ATG2B: variants seen among roughly 807,000 people sequenced by gnomAD.
ATG2B encodes the protein autophagy-related protein 2 homolog B.
In ATG2B, 121 loss-of-function variants were observed where a neutral mutation model predicts 241.3. The observed-to-expected ratio is 0.50, with a 90% CI of 0.43 to 0.58. ATG2B has a LOEUF of 0.58. Ranked by LOEUF, ATG2B falls within the 20% of genes least tolerant of loss-of-function variation. ATG2B has a pLI of 0.00. For synonymous variants in ATG2B, 858 were observed against 876.6 expected (o/e 0.98, Z 0.37); for missense variants, 2,306 against 2,491.6 (o/e 0.93, Z 1.59).
chr14:96,339,923 G>C (rs1887966549), intron 6 of ATG2B, among the ~76,000 whole-genome samples: 1 of 150,970 alleles, frequency 6.6e-6, no homozygotes, highest in South Asian at 2.1e-4. Flanking sequence ...ACTAAAAATA[G>C]AACTTCCATA....
At chr14:96,348,478 T>C (rs1888228428) in intron 1 of ATG2B, among the ~76,000 whole-genome samples, 1 of 152,024 alleles carries the variant, frequency 6.6e-6, no homozygotes, top group African/African-American at 2.4e-5. Context: ...AGGTCAGCAG[T>C]TCGAGACCAG....
rs370449015 is a variant in ATG2B at position 96,303,065 on chromosome 14, T to C, written c.5033A>G (p.Asn1678Ser). 104 of 1,586,420 alleles carry C rather than the reference T, an allele frequency of 6.6e-5. No homozygotes were observed. The highest frequency in any genetic ancestry group is 4.1e-4 in the Admixed American group (23 of 56,648). Residue 1678 changes from asparagine to serine, a missense_variant, in exon 33 of 42, where the codon AAC becomes AGC. Transcript: ENST00000359933. ...AACGATGAGGTTAACTCTTACCATGTTGGAGTGAGCTTTTCGAGGCATTTC... is the reference window on the plus strand; with the variant it reads ...AACGATGAGGTTAACTCTTACCATGCTGGAGTGAGCTTTTCGAGGCATTTC... ...SKEMPRKAHS[N>S]MLTVKALHVC...
chr14:96,313,527 A>C, intron 23 of ATG2B, 92 bp from the exon 24 acceptor site: 1 of 546,160 alleles, frequency 1.8e-6, no homozygotes, highest in Non-Finnish European at 3.1e-6. Context: ...AGAATATCTC[A>C]CAGAAAAAAT....
intron 25 of ATG2B, among the ~76,000 whole-genome samples, chr14:96,312,567 C>T (rs1375913579): frequency 2.6e-5 from 4 of 151,994 alleles, no homozygotes; most frequent in African/African-American, 9.7e-5. Flanking sequence ...CACAGCAAGA[C>T]CCCTTCTCTA....
At chr14:96,346,069 A>T (rs1335274583) in intron 2 of ATG2B, among the ~76,000 whole-genome samples, 1 of 152,174 alleles carries the variant, frequency 6.6e-6, no homozygotes, top group Non-Finnish European at 1.5e-5. Flanking sequence ...CTAAAAGAAG[A>T]GGTTAATTCT....
At position 96,280,855 on chromosome 14, in the gene ATG2B, C is replaced by T. The variant is rs1886180370; in HGVS notation, c.*4900G>A. On this transcript the variant is annotated 3_prime_UTR_variant, in exon 42 of 42. Transcript: ENST00000359933. ...TAAGATTGCTCCATTGTACTCCAGC[C>T]TGGGCAACAAGAGCAAAGCTCCGTC... 2 of 152,122 alleles carry T rather than the reference C, an allele frequency of 1.3e-5. No homozygotes were observed. The highest frequency in any genetic ancestry group is 1.3e-4 in the Admixed American group (2 of 15,268). The allele number at this position is 152,122 out of a possible 1,614,324, so 9.4% of individuals were successfully genotyped here. A position where few individuals can be genotyped will look rare whatever the true frequency, so the allele number is the denominator to read the frequency against.
chr14:96,314,645 C>T (rs1887255014), intron 23 of ATG2B, among the ~76,000 whole-genome samples: 1 of 152,156 alleles, frequency 6.6e-6, no homozygotes, highest in African/African-American at 2.4e-5. Context: ...AGGTAAAAAA[C>T]CAATTACATT....
At chr14:96,331,761 T>A in intron 10 of ATG2B, 124 bp from the exon 11 acceptor site, 1 of 781,496 alleles carries the variant, frequency 1.3e-6, no homozygotes, top group Non-Finnish European at 2.0e-6. Flanking sequence ...TGAATGATAT[T>A]AAACAATTAA....
At position 96,288,515 on chromosome 14, in the gene ATG2B, G is replaced by A. The variant is rs551002120; in HGVS notation, c.6006+1141C>T. Among the ~76,000 whole-genome samples the A allele has an allele frequency of 7.2e-5, 11 of 152,086 alleles. No individual in the cohort carries two copies. In the South Asian group the frequency reaches 2.3e-3, roughly 32 times the overall value. ...GGTAATTATCTCTTTATTCTCCCCAGTAAATCTTTTTTTCAAAGCTGACCA... is the reference window on the plus strand; with the variant it reads ...GGTAATTATCTCTTTATTCTCCCCAATAAATCTTTTTTTCAAAGCTGACCA... On this transcript the variant is annotated intron_variant, in intron 41 of 41. Transcript: ENST00000359933.
At chr14:96,313,472 AG>A (rs779220428) in intron 23 of ATG2B, 37 bp from the exon 24 acceptor site, 1 of 1,182,814 alleles carries the variant, frequency 8.5e-7, no homozygotes, top group South Asian at 1.5e-5. Context: ...CTGCTTTAGA[AG>A]AAAAAAAAGG....
intron 1 of ATG2B, among the ~76,000 whole-genome samples, chr14:96,352,584 T>C (rs752008794): frequency 6.6e-6 from 1 of 151,834 alleles, no homozygotes; most frequent in African/African-American, 2.4e-5. Context: ...TTTTTTTGCG[T>C]CTTAGTTTTT....
Position 96,295,014 on chromosome 14 carries a change from T to C in ATG2B, c.5372A>G (p.Glu1791Gly). 1.2e-6 allele frequency: 2 copies of C among 1,614,242 alleles called. No homozygotes were observed. The highest frequency in any genetic ancestry group is 1.7e-6 in the Non-Finnish European group (2 of 1,180,040). The change falls in exon 36 of 42, where the codon GAG becomes GGG. Residue 1791 changes from glutamate (E) to glycine (G), a missense_variant. This residue lies in a region of ATG2B where 379 missense variants were observed against 480.4 expected (regional missense o/e 0.79). Coordinates refer to ENST00000359933, the MANE Select transcript of ATG2B (RefSeq NM_018036.7). ...NSVEVVNGMEEKNFSAEEASF... is the reference protein window; with the variant it reads ...NSVEVVNGMEGKNFSAEEASF... ...TGCTTCTTCAGCAGAGAAGTTCTTC[T>C]CTTCCATGCCATTAACCACTTCCAC...
At chr14:96,314,601 T>C (rs933639048) in intron 23 of ATG2B, among the ~76,000 whole-genome samples, 10 of 152,178 alleles carry the variant, frequency 6.6e-5, no homozygotes, top group African/African-American at 2.2e-4. Context: ...ATAAGATAAC[T>C]CTGTCATTGA....
Position 96,289,828 on chromosome 14 carries a change from A to G in ATG2B, c.5857-23T>C, listed in dbSNP as rs1280374375. ...TGCCTGGATCATTTTGTCAAAAGGA[A>G]GAAATGAATTAGAAGAAAGTCTGAA... On this transcript the variant is annotated intron_variant, in intron 40 of 41. Coordinates refer to ENST00000359933, the MANE Select transcript of ATG2B (RefSeq NM_018036.7). This position sits in a 1 kb window ranked among gnomAD's most constrained non-coding sequence, Gnocchi z 4.3. 11 of 1,613,336 alleles carry G rather than the reference A, an allele frequency of 6.8e-6. No homozygotes were observed. Among genetic ancestry groups the G allele is most frequent in the Non-Finnish European group, 9.3e-6 (11 of 1,179,506 alleles).
chr14:96,341,175 TAGAA>T (rs1343120097), intron 6 of ATG2B, among the ~76,000 whole-genome samples: 1 of 152,110 alleles, frequency 6.6e-6, no homozygotes, highest in African/African-American at 2.4e-5. Context: ...TTTATGAAAA[TAGAA>T]AGAATTTTTT....
rs753035063 is a variant in ATG2B at position 96,289,743 on chromosome 14, C to G, written c.5919G>C (p.Lys1973Asn). 2.5e-6 allele frequency: 4 copies of G among 1,614,028 alleles called. No homozygotes were observed. The highest frequency in any genetic ancestry group is 1.7e-6 in the Non-Finnish European group (2 of 1,180,036). ...SPGTLSIEPK[K>N]TKRFPHHRLA... ...ACCGGTGATGAGGAAACCTTTTGGT[C>G]TTCTTGGGCTCGATAGAAAGGGTAC... The change falls in exon 41 of 42, where the codon AAG becomes AAC. Residue 1973 changes from lysine to asparagine, a missense_variant. Coordinates refer to ENST00000359933, the MANE Select transcript of ATG2B (RefSeq NM_018036.7). The surrounding 1 kb of genome is among the most constrained non-coding windows in gnomAD (Gnocchi z 4.3).
At position 96,290,220 on chromosome 14, in the gene ATG2B, T is replaced by C. The variant is rs377350777; in HGVS notation, c.5856+216A>G. 4.6e-6 allele frequency: 6 copies of C among 1,295,694 alleles called. No individual in the cohort carries two copies. The highest frequency in any genetic ancestry group is 2.1e-5 in the South Asian group (1 of 48,002). The allele number at this position is 1,295,694 out of a possible 1,614,324, so 80.3% of individuals were successfully genotyped here. A position where few individuals can be genotyped will look rare whatever the true frequency, so the allele number is the denominator to read the frequency against. Reference sequence around the variant, plus strand: ...CTTAATGTTTACAATTTACCTGAAATAGGCAAACAAATCTGACACTGTATT... The same window carrying C: ...CTTAATGTTTACAATTTACCTGAAACAGGCAAACAAATCTGACACTGTATT... On this transcript the variant is annotated intron_variant, in intron 40 of 41. Transcript: ENST00000359933. This position sits in a 1 kb window ranked among gnomAD's most constrained non-coding sequence, Gnocchi z 4.4.
Position 96,317,840 on chromosome 14 carries a change from C to G in ATG2B, c.2895G>C (p.Leu965Phe). The stretch of plus-strand genomic sequence containing the variant: ...AAGGAGCTGTTGGTTCCCACAGTAG[C>G]AAGTCATTAAAGATCCTATAAAGAC... ...EKLYNRIFND[L>F]LLWEPTAPSP... is the part of the protein sequence containing the mutation. Residue 965 changes from leucine (L) to phenylalanine (F), a missense_variant, in exon 19 of 42, where the codon TTG (leucine) becomes TTC (phenylalanine). Transcript: ENST00000359933. 1 of 1,606,830 alleles carries G rather than the reference C, an allele frequency of 6.2e-7. No homozygotes were observed. The highest frequency in any genetic ancestry group is 2.2e-5 in the East Asian group (1 of 44,752).
At chr14:96,342,776 T>A (rs551612386) in intron 5 of ATG2B, among the ~76,000 whole-genome samples, 1 of 150,442 alleles carries the variant, frequency 6.6e-6, no homozygotes, top group South Asian at 2.1e-4. Context: ...TACACTTGGG[T>A]CTCATCCCCA....
Sources: gnomAD v4.1 joint callset for allele counts (sites outside exome capture counted in the v4.1 genomes callset) on GRCh38, gnomAD v4.1.1 for gene constraint, gnomAD v4.1.1 regional missense constraint, Gnocchi (gnomAD v3.1) non-coding constraint, MANE v1.5 for transcripts, NCBI Gene and HGNC (gene_info 2026-07-23, HGNC 2026-07-21) for gene names.